KCNMA1: variants seen among roughly 807,000 people sequenced by gnomAD.
KCNMA1 encodes potassium calcium-activated channel subfamily M alpha 1, also known as Calcium-activated potassium channel subunit alpha-1.
KCNMA1 carries 29 observed loss-of-function variants against 140.0 expected under a neutral mutation model. The observed-to-expected ratio is 0.21, with a 90% CI of 0.15 to 0.28. The LOEUF (loss-of-function observed/expected upper bound fraction) is 0.28. Among genes scored for constraint, KCNMA1 ranks in the 10% least tolerant of loss-of-function variants. KCNMA1 has a pLI of 1.00. For missense variants in KCNMA1, 880 were observed against 1,602.2 expected (o/e 0.55, Z 7.70); for synonymous variants, 612 against 611.9 (o/e 1.00, Z 0.00).
rs1567998 is a variant in KCNMA1 at position 77,583,185 on chromosome 10, G to A, written c.378+54080C>T. Among the ~76,000 whole-genome samples, 7 of 152,208 alleles carry A rather than the reference G, an allele frequency of 4.6e-5. No individual in the cohort carries two copies. The East Asian group carries it at 1.4e-3, about 29-fold the overall frequency. ...GCTCTGCCTGCTCTTCCCTGGTCCT[G>A]AACCTTGCTTCTGCTCCTTGGACTC... is the stretch of plus-strand genomic sequence containing the variant. On this transcript the variant is annotated intron_variant, in intron 1 of 27. Transcript: ENST00000286628.
intron 1 of KCNMA1, among the ~76,000 whole-genome samples, chr10:77,429,349 G>A (rs2097098360): frequency 6.6e-6 from 1 of 152,152 alleles, no homozygotes; most frequent in African/African-American, 2.4e-5. Flanking sequence ...ATTGCAGGAG[G>A]TTTGGCAGCA....
intron 29 of KCNMA1, among the ~76,000 whole-genome samples, chr10:76,878,090 G>C (rs764973518): frequency 5.3e-5 from 8 of 152,230 alleles, no homozygotes; most frequent in South Asian, 2.1e-4. Flanking sequence ...CCTGTAGCAA[G>C]TGATGAACAA....
chr10:76,947,821 T>A (rs189660158), intron 22 of KCNMA1, among the ~76,000 whole-genome samples: 1 of 152,330 alleles, frequency 6.6e-6, no homozygotes, highest in Admixed American at 6.5e-5. Context: ...ATGAGTAACA[T>A]GTACTGCTTG....
chr10:77,593,702 T>C (rs577170466), intron 1 of KCNMA1, among the ~76,000 whole-genome samples: 141 of 152,300 alleles, frequency 9.3e-4, no homozygotes, highest in African/African-American at 3.3e-3. Context: ...CAATTAGGAG[T>C]GACGGTGCTC....
At chr10:77,632,187 C>T (rs74656851) in intron 1 of KCNMA1, among the ~76,000 whole-genome samples, 5,446 of 152,276 alleles carry the variant, frequency 0.036, 268 homozygotes, top group African/African-American at 0.11. Flanking sequence ...AGCTCAGCCA[C>T]GCCATGCCTG....
chr10:76,904,813 GCTGT>G (rs1427358988), intron 25 of KCNMA1: 1 of 152,468 alleles, frequency 6.6e-6, no homozygotes, highest in Non-Finnish European at 1.5e-5. Flanking sequence ...GGCCAAGGAT[GCTGT>G]CTGACCACAG....
chr10:76,976,525 TAG>T (rs2077586208), intron 19 of KCNMA1, among the ~76,000 whole-genome samples: 1 of 152,166 alleles, frequency 6.6e-6, no homozygotes, highest in Non-Finnish European at 1.5e-5. Context: ...ATGGATCCTC[TAG>T]AATCCAATTG....
chr10:77,619,395 T>C (rs1031547692), intron 1 of KCNMA1, among the ~76,000 whole-genome samples: 12 of 152,008 alleles, frequency 7.9e-5, no homozygotes, highest in African/African-American at 2.9e-4. Flanking sequence ...CCCCCTGTAG[T>C]GGCCAACTTC....
At chr10:77,026,672 G>A (rs148917054) in intron 16 of KCNMA1, among the ~76,000 whole-genome samples, 1 of 152,244 alleles carries the variant, frequency 6.6e-6, no homozygotes, top group East Asian at 1.9e-4. Flanking sequence ...GGTTGATTTG[G>A]GTTTTCAAAA....
chr10:77,156,791 C>A (rs1252455746), intron 5 of KCNMA1, among the ~76,000 whole-genome samples: 1 of 152,120 alleles, frequency 6.6e-6, no homozygotes, highest in Non-Finnish European at 1.5e-5. Flanking sequence ...AGTGACTGAC[C>A]CCACCTGGAC....
intron 2 of KCNMA1, among the ~76,000 whole-genome samples, chr10:77,267,619 A>C (rs952310681): frequency 9.8e-5 from 15 of 152,308 alleles, no homozygotes; most frequent in African/African-American, 3.1e-4. Flanking sequence ...CCCTCCAAAA[A>C]TGGGTTCACA....
At chr10:77,059,108 A>T (rs1407137641) in intron 14 of KCNMA1, among the ~76,000 whole-genome samples, 1 of 152,050 alleles carries the variant, frequency 6.6e-6, no homozygotes, top group African/African-American at 2.4e-5. Context: ...CAGATAAATT[A>T]GACCAATTTT....
At chr10:76,939,391 A>T (rs2152805982) in intron 23 of KCNMA1, 1 of 152,086 alleles carries the variant, frequency 6.6e-6, no homozygotes, top group East Asian at 2.0e-4. Flanking sequence ...GAGTGCTGGG[A>T]TTACAGGCGT....
At chr10:77,171,801 C>A (rs539172024) in intron 5 of KCNMA1, among the ~76,000 whole-genome samples, 3 of 152,258 alleles carry the variant, frequency 2.0e-5, no homozygotes, top group African/African-American at 7.2e-5. Context: ...GGCTTGCAGA[C>A]CGCACCTCGA....
chr10:76,975,717 C>T (rs1418560819), intron 19 of KCNMA1, among the ~76,000 whole-genome samples: 1 of 152,186 alleles, frequency 6.6e-6, no homozygotes, highest in Non-Finnish European at 1.5e-5. Flanking sequence ...TCTTGCCTGA[C>T]AACCTTGAAT....
intron 1 of KCNMA1, among the ~76,000 whole-genome samples, chr10:77,492,359 A>G (rs1447788583): frequency 6.6e-6 from 1 of 152,208 alleles, no homozygotes; most frequent in Non-Finnish European, 1.5e-5. Flanking sequence ...CCATAATGAA[A>G]GAGCTGGATC....
In KCNMA1 at chr10:77,392,086, A is replaced by T. The variant is rs539413942; in HGVS notation, c.540+11776T>A. 8.3e-5 allele frequency among the ~76,000 whole-genome samples: 12 copies of T among 144,698 alleles called. No homozygotes were observed. In the East Asian group the frequency reaches 2.6e-3, roughly 31 times the overall value. 94.9% of individuals were successfully genotyped at this position (144,698 alleles called of 152,430 possible). A position where few individuals can be genotyped will look rare whatever the true frequency, so the allele number is the denominator to read the frequency against. On this transcript the variant is annotated intron_variant, in intron 2 of 27. Transcript: ENST00000286628. ...ATGCCTCCAGGGGGCGCCAGCTTTC[A>T]TGGGTTGGGAAGGAGGGAGGGAAGG...
At chr10:77,401,097 C>G (rs749277502) in intron 2 of KCNMA1, among the ~76,000 whole-genome samples, 1 of 151,972 alleles carries the variant, frequency 6.6e-6, no homozygotes, top group Non-Finnish European at 1.5e-5. Context: ...CCCCAGCTCT[C>G]TCTGTACAAC....
intron 15 of KCNMA1, among the ~76,000 whole-genome samples, chr10:77,029,490 T>A (rs1379586708): frequency 1.3e-5 from 2 of 152,228 alleles, no homozygotes; most frequent in East Asian, 3.8e-4. Context: ...CTCTAGCTAA[T>A]ACCTGGCAGG....
Sources: gnomAD v4.1 joint callset for allele counts (sites outside exome capture counted in the v4.1 genomes callset) on GRCh38, gnomAD v4.1.1 for gene constraint, MANE v1.5 for transcripts, NCBI Gene and HGNC (gene_info 2026-07-23, HGNC 2026-07-21) for gene names.